The following C12orf42 variants were observed in gnomAD, a reference collection of about 807,000 sequenced individuals.
C12orf42 encodes uncharacterized protein C12orf42.
Under a neutral mutation model 21.6 loss-of-function variants are expected in C12orf42, and 25 were observed. The ratio of observed to expected loss-of-function variants is 1.16; its 90% CI spans 0.84 to 1.62. The LOEUF is 1.62. C12orf42 is among the 40% of genes most tolerant of loss of function. C12orf42 has a pLI of 0.00. For missense variants in C12orf42, 483 were observed against 459.3 expected, an observed-to-expected ratio of 1.05 and a Z score of -0.47; for synonymous variants, 174 against 175.0, an observed-to-expected ratio of 0.99 and a Z score of 0.05.
At chr12:103,179,817 T>C in the C12orf42 span, among the ~76,000 whole-genome samples, 3 of 152,152 alleles carry the variant, frequency 2.0e-5, no homozygotes, top group Non-Finnish European at 4.4e-5. Flanking sequence ...GTGGTGCAGT[T>C]GAGGAAGAAA....
chr12:103,488,888 G>C (rs1011803218), intron 1 of C12orf42, among the ~76,000 whole-genome samples: 11 of 152,072 alleles, frequency 7.2e-5, no homozygotes, highest in Non-Finnish European at 1.5e-4. Flanking sequence ...CTCACAATGG[G>C]TTTGAACATA....
intron 2 of C12orf42, among the ~76,000 whole-genome samples, chr12:103,464,140 G>A (rs1952934734): frequency 1.3e-5 from 2 of 152,136 alleles, no homozygotes; most frequent in South Asian, 2.1e-4. Flanking sequence ...GGTCTTTGAG[G>A]AATCACCACA....
chr12:103,240,922 A>G (rs1344688794), intron 10 of C12orf42, among the ~76,000 whole-genome samples: 1 of 152,198 alleles, frequency 6.6e-6, no homozygotes, highest in African/African-American at 2.4e-5. Flanking sequence ...TGCTGAATGA[A>G]TTAAAAAAAT....
At chr12:103,076,727 T>C in the C12orf42 span, among the ~76,000 whole-genome samples, 3 of 152,296 alleles carry the variant, frequency 2.0e-5, no homozygotes, top group Non-Finnish European at 4.4e-5. Flanking sequence ...ATTAAAGAAA[T>C]GTATATATAG....
intron 2 of C12orf42, among the ~76,000 whole-genome samples, chr12:103,413,009 A>G (rs1439648677): frequency 6.6e-6 from 1 of 152,116 alleles, no homozygotes; most frequent in East Asian, 1.9e-4. Context: ...TTGCTTTTGG[A>G]AACTTAGCCA....
At chr12:103,052,748 T>C in the C12orf42 span, among the ~76,000 whole-genome samples, 2 of 152,088 alleles carry the variant, frequency 1.3e-5, no homozygotes, top group Non-Finnish European at 2.9e-5. Flanking sequence ...CATGAAGATA[T>C]ATTCCTGTGA....
chr12:103,194,766 T>G, the C12orf42 span, among the ~76,000 whole-genome samples: 1 of 152,156 alleles, frequency 6.6e-6, no homozygotes, highest in Non-Finnish European at 1.5e-5. Flanking sequence ...CAAATTAGAT[T>G]CAATCTCTAT....
At chr12:103,061,382 A>G in the C12orf42 span, among the ~76,000 whole-genome samples, 5 of 152,212 alleles carry the variant, frequency 3.3e-5, no homozygotes, top group African/African-American at 1.2e-4. Context: ...ATACATGTCA[A>G]TTAGGTCAAA....
In C12orf42 at chr12:103,462,267, C is replaced by T. The variant is rs1172076956; in HGVS notation, c.78+16082G>A. On this transcript the variant is annotated intron_variant, in intron 2 of 5. Transcript: ENST00000548883. ...GGATTACAGGCATGCGCCACCACAT[C>T]CGGCTAATTTTTTTGTATTTTTTAA... Among the ~76,000 whole-genome samples, 3 of 151,232 alleles carry T rather than the reference C, an allele frequency of 2.0e-5. No individual in the cohort carries two copies. In the East Asian group the frequency reaches 5.8e-4, roughly 29 times the overall value.
chr12:103,507,538 T>C, the C12orf42 span, among the ~76,000 whole-genome samples: 1 of 148,886 alleles, frequency 6.7e-6, no homozygotes, highest in Non-Finnish European at 1.5e-5. Flanking sequence ...ATTTGTGGGG[T>C]GTGGCGGCAC....
At chr12:103,541,660 CA>C in the C12orf42 span, among the ~76,000 whole-genome samples, 36 of 150,712 alleles carry the variant, frequency 2.4e-4, no homozygotes, top group East Asian at 2.3e-3. Context: ...TGTGTACTTA[CA>C]AAAAAAAAGT....
the C12orf42 span, among the ~76,000 whole-genome samples, chr12:103,528,569 G>T: frequency 6.6e-6 from 1 of 152,126 alleles, no homozygotes; most frequent in East Asian, 1.9e-4. Context: ...GTTAAAAAGA[G>T]CCAGGCAGCA....
intron 2 of C12orf42, among the ~76,000 whole-genome samples, chr12:103,432,399 C>T (rs1366225379): frequency 6.6e-6 from 1 of 152,162 alleles, no homozygotes; most frequent in Non-Finnish European, 1.5e-5. Context: ...TTGCCTGACC[C>T]TCCTGGTTGG....
chr12:103,336,199 G>A (rs2041676476), intron 4 of C12orf42, among the ~76,000 whole-genome samples: 1 of 152,228 alleles, frequency 6.6e-6, no homozygotes, highest in South Asian at 2.1e-4. Context: ...ATAGCGCCTA[G>A]TGGCATCTTT....
the C12orf42 span, among the ~76,000 whole-genome samples, chr12:103,538,064 A>G: frequency 0.21 from 32,315 of 152,196 alleles, 3,759 homozygotes; most frequent in East Asian, 0.41. Flanking sequence ...AAAGTCTTAG[A>G]AGTATTTAGT....
At chr12:103,269,014 C>T (rs1477481346) in intron 6 of C12orf42, 1 of 152,122 alleles carries the variant, frequency 6.6e-6, no homozygotes, top group Non-Finnish European at 1.5e-5. Flanking sequence ...CAGAGCTCTA[C>T]AAGTACAGGG....
At chr12:103,290,529 CAAAG>C (rs2036737044) in intron 4 of C12orf42, among the ~76,000 whole-genome samples, 1 of 152,156 alleles carries the variant, frequency 6.6e-6, no homozygotes, top group Non-Finnish European at 1.5e-5. Context: ...ATCTTGATCT[CAAAG>C]AATTCAGCTT....
intron 1 of C12orf42, among the ~76,000 whole-genome samples, chr12:103,485,102 C>A (rs1424617027): frequency 1.3e-5 from 2 of 152,150 alleles, no homozygotes; most frequent in African/African-American, 4.8e-5. Context: ...ATCTCCTGAT[C>A]TCGTGATCTG....
the C12orf42 span, among the ~76,000 whole-genome samples, chr12:103,116,194 G>T: frequency 6.6e-6 from 1 of 151,596 alleles, no homozygotes; most frequent in South Asian, 2.1e-4. Context: ...AAACCCCGTC[G>T]TCTCTACTAA....
Sources: allele counts gnomAD v4.1 joint callset (sites outside exome capture counted in the v4.1 genomes callset), GRCh38; gene constraint gnomAD v4.1.1; transcripts MANE v1.5; gene names NCBI Gene and HGNC (gene_info 2026-07-23, HGNC 2026-07-21).